The following ARHGAP26 variants were observed in gnomAD, a reference collection of about 807,000 sequenced individuals.
ARHGAP26 encodes rho GTPase-activating protein 26.
ARHGAP26 carries 38 observed loss-of-function variants against 104.8 expected under a neutral mutation model. The ratio of observed to expected loss-of-function variants is 0.36; its 90% CI spans 0.28 to 0.48. The LOEUF (loss-of-function observed/expected upper bound fraction) is 0.48. ARHGAP26 is among the 20% of genes least tolerant of loss of function. The pLI is 0.99. For missense variants in ARHGAP26, 704 were observed against 947.9 expected (o/e 0.74, Z 3.38); for synonymous variants, 341 against 340.0 (o/e 1.00, Z -0.03).
At chr5:143,056,949 A>G (rs1480672337) in intron 16 of ARHGAP26, among the ~76,000 whole-genome samples, 5 of 152,332 alleles carry the variant, frequency 3.3e-5, no homozygotes, top group Admixed American at 2.6e-4. Context: ...TAGAGAAATT[A>G]CAAACCCATA....
intron 11 of ARHGAP26, among the ~76,000 whole-genome samples, chr5:142,980,469 A>C (rs1773778143): frequency 6.6e-6 from 1 of 151,050 alleles, no homozygotes; most frequent in Non-Finnish European, 1.5e-5. Context: ...GCTCACTGCA[A>C]CCTCCGTTTC....
intron 3 of ARHGAP26, among the ~76,000 whole-genome samples, chr5:142,877,268 A>G (rs1248747709): frequency 6.6e-6 from 1 of 152,198 alleles, no homozygotes; most frequent in Non-Finnish European, 1.5e-5. Flanking sequence ...AAGCTCAGCA[A>G]GCAAAGCCGC....
intron 11 of ARHGAP26, among the ~76,000 whole-genome samples, chr5:143,006,129 G>A (rs1172447827): frequency 6.6e-6 from 1 of 152,124 alleles, no homozygotes; most frequent in East Asian, 1.9e-4. Context: ...AGATAAATCT[G>A]TATCCTGTTT....
intron 17 of ARHGAP26, among the ~76,000 whole-genome samples, chr5:143,071,555 A>C (rs1489252326): frequency 6.6e-6 from 1 of 152,246 alleles, no homozygotes; most frequent in Non-Finnish European, 1.5e-5. Context: ...ATGCTTCAGG[A>C]CATTTTTCTG....
At chr5:142,792,784 C>G (rs114084938) in intron 1 of ARHGAP26, among the ~76,000 whole-genome samples, 1 of 152,298 alleles carries the variant, frequency 6.6e-6, no homozygotes, top group Admixed American at 6.5e-5. Context: ...GTAAGCTGGC[C>G]TGTGTTTCCC....
At chr5:142,900,343 G>A (rs1760132028) in intron 6 of ARHGAP26, among the ~76,000 whole-genome samples, 1 of 152,160 alleles carries the variant, frequency 6.6e-6, no homozygotes, top group South Asian at 2.1e-4. Context: ...TATGTTAGGG[G>A]TCTGTATATG....
intron 11 of ARHGAP26, among the ~76,000 whole-genome samples, chr5:142,940,677 A>G (rs1766135505): frequency 6.6e-6 from 1 of 152,156 alleles, no homozygotes; most frequent in Admixed American, 6.5e-5. Context: ...TATATTTACC[A>G]TATTTTCTTT....
chr5:142,870,419 G>C (rs931263209), intron 1 of ARHGAP26, among the ~76,000 whole-genome samples: 7 of 152,154 alleles, frequency 4.6e-5, no homozygotes, highest in African/African-American at 1.4e-4. Context: ...GTAACATAGA[G>C]GGTTTACCTT....
intron 20 of ARHGAP26, among the ~76,000 whole-genome samples, chr5:143,195,627 C>A (rs1806706321): frequency 6.6e-6 from 1 of 152,124 alleles, no homozygotes; most frequent in South Asian, 2.1e-4. Context: ...ATAAAAAAGT[C>A]TCTAAAAGAG....
At chr5:142,882,965 C>A (rs951391617) in intron 4 of ARHGAP26, among the ~76,000 whole-genome samples, 11 of 152,154 alleles carry the variant, frequency 7.2e-5, no homozygotes, top group Non-Finnish European at 1.0e-4. Context: ...TTAACTACCC[C>A]ACAGTAGACT....
At chr5:142,886,737 T>C (rs1252804334) in intron 5 of ARHGAP26, among the ~76,000 whole-genome samples, 1 of 152,118 alleles carries the variant, frequency 6.6e-6, no homozygotes, top group Non-Finnish European at 1.5e-5. Flanking sequence ...AAAAAAATCT[T>C]ATTTTCACGA....
chr5:142,967,315 C>A (rs944071781), intron 11 of ARHGAP26, among the ~76,000 whole-genome samples: 1 of 152,202 alleles, frequency 6.6e-6, no homozygotes, highest in South Asian at 2.1e-4. Context: ...CAGTGTCAAG[C>A]GGTTAGAAGG....
At chr5:143,071,065 A>G (rs1562368724) in intron 17 of ARHGAP26, among the ~76,000 whole-genome samples, 1 of 152,246 alleles carries the variant, frequency 6.6e-6, no homozygotes, top group Non-Finnish European at 1.5e-5. Flanking sequence ...ACCTCAAAAT[A>G]TACTACAAAG....
chr5:143,146,227 C>T lies in ARHGAP26; in HGVS notation c.1838-1004C>T, dbSNP rs116612571. ...CTACAGTAATGGTGGATGCTGGTAC[C>T]ATTTAGCTAAATTATCTCCAAAATT... On this transcript the variant is annotated intron_variant, in intron 19 of 22. Transcript: ENST00000645722. 4.0e-3 allele frequency among the ~76,000 whole-genome samples: 615 copies of T among 152,270 alleles called. 4 individuals are homozygous for T. Among genetic ancestry groups the T allele is most frequent in the African/African-American group, 0.014 (600 of 41,554 alleles).
intron 20 of ARHGAP26, among the ~76,000 whole-genome samples, chr5:143,189,352 A>G (rs1805576389): frequency 2.6e-5 from 4 of 152,298 alleles, no homozygotes; most frequent in Admixed American, 2.6e-4. Flanking sequence ...TCAGCAGTCT[A>G]CTTTGTTGAG....
intron 11 of ARHGAP26, among the ~76,000 whole-genome samples, chr5:142,995,225 G>T (rs1318777499): frequency 6.6e-6 from 1 of 152,164 alleles, no homozygotes; most frequent in Non-Finnish European, 1.5e-5. Context: ...AGCGTGAACA[G>T]GCAACCTACA....
At chr5:142,791,726 G>GT (rs1759854610) in intron 1 of ARHGAP26, among the ~76,000 whole-genome samples, 3 of 152,124 alleles carry the variant, frequency 2.0e-5, no homozygotes, top group African/African-American at 7.2e-5. Context: ...CACTTTGGGA[G>GT]GCCAAGGCGG....
chr5:142,963,225 T>C (rs976122453), intron 11 of ARHGAP26, among the ~76,000 whole-genome samples: 5 of 144,154 alleles, frequency 3.5e-5, no homozygotes, highest in East Asian at 2.0e-4. Context: ...TGTGTGCGCG[T>C]GTGTGTGTGT....
chr5:142,927,049 A>T (rs571931905), intron 10 of ARHGAP26, among the ~76,000 whole-genome samples: 1 of 152,154 alleles, frequency 6.6e-6, no homozygotes, highest in Non-Finnish European at 1.5e-5. Context: ...GTAGCACAGA[A>T]TAGTTCAGTT....
Sources: allele counts gnomAD v4.1 joint callset (sites outside exome capture counted in the v4.1 genomes callset), GRCh38; gene constraint gnomAD v4.1.1; transcripts MANE v1.5; gene names NCBI Gene and HGNC (gene_info 2026-07-23, HGNC 2026-07-21).